FAF1: variants seen among roughly 807,000 people sequenced by gnomAD.
FAF1 encodes the protein FAS-associated factor 1.
A neutral mutation model predicts 92.5 loss-of-function variants in FAF1; 25 were observed. The observed-to-expected ratio is 0.27, with a 90% CI of 0.20 to 0.38. The LOEUF is 0.38. Among genes scored for constraint, FAF1 ranks in the 10% least tolerant of loss-of-function variants. FAF1 has a pLI of 1.00. For missense variants in FAF1, 636 were observed against 793.3 expected, an observed-to-expected ratio of 0.80 and a Z score of 2.38; for synonymous variants, 234 against 273.2, an observed-to-expected ratio of 0.86 and a Z score of 1.42.
At chr1:50,788,493 T>A (rs982104976) in intron 3 of FAF1, among the ~76,000 whole-genome samples, 1 of 152,230 alleles carries the variant, frequency 6.6e-6, no homozygotes, top group African/African-American at 2.4e-5. Flanking sequence ...TGGTAAAACA[T>A]CATTTTTAAC....
Position 50,888,921 on chromosome 1 carries a change from A to G in FAF1, c.46-30924T>C, listed in dbSNP as rs373825122. ...ATTCCCTCTTTTTCTATTGATTGGA[A>G]TAGTTTCAGAAGGAATGGTACCAGC... On this transcript the variant is annotated intron_variant, in intron 1 of 18. Coordinates refer to ENST00000396153, the MANE Select transcript of FAF1 (RefSeq NM_007051.3). Among the ~76,000 whole-genome samples, 28 of 152,302 alleles carry G rather than the reference A, an allele frequency of 1.8e-4. No individual in the cohort carries two copies. The South Asian group carries it at 4.6e-3, about 25-fold the overall frequency.
At chr1:50,563,195 T>C (rs1650013197) in intron 13 of FAF1, among the ~76,000 whole-genome samples, 1 of 152,184 alleles carries the variant, frequency 6.6e-6, no homozygotes. Flanking sequence ...TTGTTTACTA[T>C]TACCTATCTG....
At position 50,519,370 on chromosome 1, in the gene FAF1, A is replaced by AG. The variant is rs1557978753; in HGVS notation, c.1494+15998dup. On this transcript the variant is annotated intron_variant, in intron 15 of 18. Transcript: ENST00000396153. ...AATGAAGGAAGGAAGGAAGGAAGGA[A>AG]GGAGGGAGGGAGGGAGGGAGGGAGG... 6.1e-3 allele frequency among the ~76,000 whole-genome samples: 611 copies of AG among 99,526 alleles called. 11 individuals are homozygous for AG. Among genetic ancestry groups the AG allele is most frequent in the African/African-American group, 0.025 (545 of 21,676 alleles). The allele number at this position is 99,526 out of a possible 152,430, so 65.3% of individuals were successfully genotyped here.
At chr1:50,779,321 T>C (rs565690959) in intron 4 of FAF1, among the ~76,000 whole-genome samples, 43 of 152,344 alleles carry the variant, frequency 2.8e-4, no homozygotes, top group Admixed American at 1.8e-3. Context: ...ATGAGTGTTC[T>C]TCATGGTATC....
chr1:50,942,746 TG>T (rs1187882799), intron 1 of FAF1, among the ~76,000 whole-genome samples: 54 of 150,818 alleles, frequency 3.6e-4, no homozygotes, highest in African/African-American at 1.3e-3. Flanking sequence ...TAGTTGTCGT[TG>T]TTTTTTTTTT....
At chr1:50,835,485 C>G (rs937804160) in intron 2 of FAF1, among the ~76,000 whole-genome samples, 1 of 149,936 alleles carries the variant, frequency 6.7e-6, no homozygotes, top group Non-Finnish European at 1.5e-5. Context: ...GCAGGAGAAT[C>G]GCTTGAACCC....
At chr1:50,932,078 A>G (rs1645053083) in intron 1 of FAF1, among the ~76,000 whole-genome samples, 1 of 151,706 alleles carries the variant, frequency 6.6e-6, no homozygotes, top group South Asian at 2.1e-4. Context: ...CCCTCCCACA[A>G]CATGTGGCAA....
At chr1:50,759,286 G>A (rs1010977244) in intron 4 of FAF1, among the ~76,000 whole-genome samples, 1 of 145,770 alleles carries the variant, frequency 6.9e-6, no homozygotes, top group African/African-American at 2.6e-5. Flanking sequence ...ATCTCCTAAA[G>A]TTATCCCTCC....
intron 7 of FAF1, among the ~76,000 whole-genome samples, chr1:50,667,423 G>A (rs1048654907): frequency 1.3e-5 from 2 of 152,184 alleles, no homozygotes; most frequent in African/African-American, 4.8e-5. Context: ...TCTCTCCACA[G>A]TTGGGCACTC....
chr1:50,612,605 G>C, intron 8 of FAF1: 1 of 402,046 alleles, frequency 2.5e-6, no homozygotes. Context: ...TAAGAGCTCT[G>C]GATATTTTTC....
intron 1 of FAF1, among the ~76,000 whole-genome samples, chr1:50,916,927 T>C (rs542288598): frequency 6.6e-6 from 1 of 152,284 alleles, no homozygotes; most frequent in South Asian, 2.1e-4. Flanking sequence ...AACCAAGCTG[T>C]AGTTTTAATT....
At chr1:50,721,004 T>C (rs1260013989) in intron 6 of FAF1, among the ~76,000 whole-genome samples, 1 of 152,176 alleles carries the variant, frequency 6.6e-6, no homozygotes, top group Non-Finnish European at 1.5e-5. Flanking sequence ...GGGGCTTCTA[T>C]GTGTACATAT....
At position 50,490,680 on chromosome 1, in the gene FAF1, G is replaced by C. The variant is rs767371264; in HGVS notation, c.1576-15C>G. ...TGAGCTTCCCTCTGTTGATAAAACA[G>C]AAAAGGAACAAGCACTTAACACATA... On this transcript the variant is annotated splice_polypyrimidine_tract_variant and intron_variant, in intron 16 of 18. Transcript: ENST00000396153. The C allele has an allele frequency of 6.5e-7, 1 of 1,546,132 alleles. No individual in the cohort carries two copies. Among genetic ancestry groups the C allele is most frequent in the East Asian group, 2.2e-5 (1 of 44,514 alleles).
intron 13 of FAF1, among the ~76,000 whole-genome samples, chr1:50,551,947 C>G (rs1649327123): frequency 6.6e-6 from 1 of 152,104 alleles, no homozygotes; most frequent in Admixed American, 6.6e-5. Flanking sequence ...ATCAATCATC[C>G]CATTTAGTTC....
intron 7 of FAF1, among the ~76,000 whole-genome samples, chr1:50,689,494 G>A (rs943772868): frequency 7.9e-5 from 12 of 152,202 alleles, no homozygotes; most frequent in Non-Finnish European, 1.3e-4. Context: ...TGAAGCAAGA[G>A]AATGCCGTGG....
At chr1:50,845,544 T>C (rs1644291430) in intron 2 of FAF1, among the ~76,000 whole-genome samples, 1 of 152,078 alleles carries the variant, frequency 6.6e-6, no homozygotes, top group Admixed American at 6.6e-5. Context: ...CCACACTCTT[T>C]GCAAGCCCAC....
intron 2 of FAF1, among the ~76,000 whole-genome samples, chr1:50,847,269 A>T (rs1351621488): frequency 3.4e-5 from 5 of 146,984 alleles, no homozygotes; most frequent in Non-Finnish European, 5.9e-5. Context: ...TTTAGAAATT[A>T]AAAAAAAACA....
chr1:50,641,514 ATAATT>A (rs1447351905), intron 8 of FAF1, among the ~76,000 whole-genome samples: 39 of 152,284 alleles, frequency 2.6e-4, no homozygotes, highest in African/African-American at 9.4e-4. Context: ...TTAGTGATAC[ATAATT>A]TAATTATGTT....
chr1:50,744,657 T>C (rs978817465), intron 5 of FAF1, 27 bp downstream of exon 5: 2 of 1,463,696 alleles, frequency 1.4e-6, no homozygotes, highest in Non-Finnish European at 1.9e-6. Context: ...TAATTTTCTT[T>C]TATTTCTATG....
Sources: gnomAD v4.1 joint callset for allele counts (sites outside exome capture counted in the v4.1 genomes callset) on GRCh38, gnomAD v4.1.1 for gene constraint, MANE v1.5 for transcripts, NCBI Gene and HGNC (gene_info 2026-07-23, HGNC 2026-07-21) for gene names.